Variants in LYPD6B observed in about 807,000 individuals in gnomAD.
The protein encoded by LYPD6B is ly6/PLAUR domain-containing protein 6B.
LYPD6B carries 17 observed loss-of-function variants against 22.8 expected under a neutral mutation model. That is an observed-to-expected ratio of 0.75 (90% CI 0.51 to 1.12). The LOEUF is 1.12. Ranked by LOEUF, LYPD6B falls within the 50% of genes most tolerant of loss-of-function variation. The pLI is 0.00. For synonymous variants in LYPD6B, 106 were observed against 91.6 expected (o/e 1.16, Z -0.90); for missense variants, 221 against 258.3 (o/e 0.86, Z 0.99).
intron 5 of LYPD6B, 54 bp downstream of exon 5, chr2:149,208,466 C>T (rs2106160609): frequency 2.2e-6 from 3 of 1,340,474 alleles, no homozygotes; most frequent in Non-Finnish European, 3.2e-6. Context: ...TTGAATCTCT[C>T]CTGACTTGAT....
intron 6 of LYPD6B, 135 bp from the exon 7 acceptor site, chr2:149,214,411 A>T: frequency 1.2e-6 from 1 of 828,402 alleles, no homozygotes. Flanking sequence ...AGCCTAGATG[A>T]TGCAAAATTG....
chr2:149,105,938 G>C (rs1312664642), intron 1 of LYPD6B, among the ~76,000 whole-genome samples: 1 of 152,072 alleles, frequency 6.6e-6, no homozygotes, highest in Non-Finnish European at 1.5e-5. Context: ...CATAGATACT[G>C]TACTCTATCA....
At chr2:149,169,062 A>T (rs1219624079) in intron 3 of LYPD6B, among the ~76,000 whole-genome samples, 3 of 152,200 alleles carry the variant, frequency 2.0e-5, no homozygotes, top group African/African-American at 7.2e-5. Context: ...CCCCTCAAAA[A>T]GGGTAAATTT....
intron 3 of LYPD6B, among the ~76,000 whole-genome samples, chr2:149,164,970 A>G (rs1238192263): frequency 6.6e-6 from 1 of 152,216 alleles, no homozygotes; most frequent in Non-Finnish European, 1.5e-5. Context: ...TCTGTGGGTC[A>G]GCAATTTGGG....
chr2:149,115,702 G>A (rs1686967715), intron 1 of LYPD6B, among the ~76,000 whole-genome samples: 1 of 152,210 alleles, frequency 6.6e-6, no homozygotes, highest in African/African-American at 2.4e-5. Context: ...TTATCCAGAA[G>A]AGGTGACTAG....
intron 3 of LYPD6B, among the ~76,000 whole-genome samples, chr2:149,174,001 A>T (rs903139215): frequency 3.3e-5 from 5 of 152,174 alleles, no homozygotes; most frequent in African/African-American, 1.2e-4. Flanking sequence ...CCATTTTCAC[A>T]ATATTGATGC....
intron 1 of LYPD6B, among the ~76,000 whole-genome samples, chr2:149,099,269 A>C (rs1370959359): frequency 6.6e-6 from 1 of 152,198 alleles, no homozygotes; most frequent in African/African-American, 2.4e-5. Flanking sequence ...GTTGTTTATA[A>C]TTCAGATTTT....
At position 149,152,219 on chromosome 2, in the gene LYPD6B, T is replaced by C. The variant is rs1260082820; in HGVS notation, c.6-8545T>C. Among the ~76,000 whole-genome samples the C allele has an allele frequency of 8.5e-5, 13 of 152,318 alleles. No individual in the cohort carries two copies. In the East Asian group the frequency reaches 2.5e-3, roughly 29 times the overall value. ...TTATCCCCTATCACCAAACGCAGGCTCCTTAAACACAAGGATTGTATTATT... is the reference window on the plus strand; with the variant it reads ...TTATCCCCTATCACCAAACGCAGGCCCCTTAAACACAAGGATTGTATTATT... On this transcript the variant is annotated intron_variant, in intron 2 of 6. Transcript: ENST00000409642.
At chr2:149,194,949 CGTT>C (rs1559070189) in intron 3 of LYPD6B, among the ~76,000 whole-genome samples, 1 of 152,092 alleles carries the variant, frequency 6.6e-6, no homozygotes, top group Non-Finnish European at 1.5e-5. Context: ...TGTACTAGGC[CGTT>C]GTTGAACAGA....
At chr2:149,082,075 G>T (rs920023723) in intron 1 of LYPD6B, among the ~76,000 whole-genome samples, 5 of 152,162 alleles carry the variant, frequency 3.3e-5, no homozygotes, top group Non-Finnish European at 7.3e-5. Context: ...TGCTCTCACA[G>T]ATTCAAATGC....
chr2:149,054,841 G>A lies in LYPD6B; in HGVS notation c.-67+16040G>A, dbSNP rs182640565. ...CTGCAGTGAGCCATGATTGCACTAT[G>A]GCACTCCAGCCTGAGTGACAGAGTG... On this transcript the variant is annotated intron_variant, in intron 1 of 6. Transcript: ENST00000409642. Among the ~76,000 whole-genome samples, 38 of 151,680 alleles carry A rather than the reference G, an allele frequency of 2.5e-4. No individual in the cohort carries two copies. The East Asian group carries it at 5.6e-3, about 22-fold the overall frequency.
chr2:149,115,021 C>A (rs999836349), intron 1 of LYPD6B, among the ~76,000 whole-genome samples: 15 of 152,170 alleles, frequency 9.9e-5, no homozygotes, highest in Admixed American at 9.2e-4. Context: ...CTCACTGCAG[C>A]CTCTGCCTCC....
intron 2 of LYPD6B, among the ~76,000 whole-genome samples, chr2:149,146,814 G>A (rs961272240): frequency 1.3e-5 from 2 of 152,148 alleles, no homozygotes; most frequent in Middle Eastern, 3.2e-3. Context: ...GCTGGTAGCT[G>A]TGGGATTAGA....
chr2:149,044,300 C>A (rs1683211529), intron 1 of LYPD6B, among the ~76,000 whole-genome samples: 1 of 151,986 alleles, frequency 6.6e-6, no homozygotes. Flanking sequence ...TTGATTTCTT[C>A]CATCAGCACT....
chr2:149,133,161 A>G (rs557276910), intron 2 of LYPD6B, among the ~76,000 whole-genome samples: 27 of 152,158 alleles, frequency 1.8e-4, no homozygotes, highest in African/African-American at 6.0e-4. Flanking sequence ...ACTGCAAAGT[A>G]GTCTTGGGAA....
chr2:149,175,241 G>A (rs1469690347), intron 3 of LYPD6B, among the ~76,000 whole-genome samples: 1 of 151,918 alleles, frequency 6.6e-6, no homozygotes, highest in Non-Finnish European at 1.5e-5. Flanking sequence ...TTCCTCCTAG[G>A]GCTACAATCC....
At chr2:149,200,055 T>C (rs1693055268) in intron 3 of LYPD6B, among the ~76,000 whole-genome samples, 1 of 152,244 alleles carries the variant, frequency 6.6e-6, no homozygotes, top group Non-Finnish European at 1.5e-5. Flanking sequence ...AAACTTCTGC[T>C]CTCATTTTGA....
chr2:149,140,637 G>A lies in LYPD6B; in HGVS notation c.5+9684G>A, dbSNP rs1258777157. On this transcript the variant is annotated intron_variant, in intron 2 of 6. Transcript: ENST00000409642. ...CTCTTTAAGCTTATCCTTGCATTTA[G>A]AATGCCAGTACTTTTGTAGCATTGG... 3.3e-5 allele frequency among the ~76,000 whole-genome samples: 5 copies of A among 152,300 alleles called. No individual in the cohort carries two copies. In the East Asian group the frequency reaches 5.8e-4, roughly 18 times the overall value.
In LYPD6B at chr2:149,146,446, G is replaced by A. The variant is rs527553735; in HGVS notation, c.6-14318G>A. ...ATACGAACCTCAGAAAGAAGACTGT[G>A]TGGCCAGAGCCAACAGAGGATGAGG... is the stretch of plus-strand genomic sequence containing the variant. On this transcript the variant is annotated intron_variant, in intron 2 of 6. Coordinates refer to ENST00000409642, the MANE Select transcript of LYPD6B (RefSeq NM_177964.5). Among the ~76,000 whole-genome samples the A allele has an allele frequency of 1.6e-3, 247 of 152,324 alleles. 1 individual carries two copies. The highest frequency in any genetic ancestry group is 5.8e-3 in the African/African-American group (240 of 41,568).
Sources: allele counts gnomAD v4.1 joint callset (sites outside exome capture counted in the v4.1 genomes callset), GRCh38; gene constraint gnomAD v4.1.1; transcripts MANE v1.5; gene names NCBI Gene and HGNC (gene_info 2026-07-23, HGNC 2026-07-21).